NUP153: variants seen among roughly 807,000 people sequenced by gnomAD.
NUP153 encodes the protein nuclear pore complex protein Nup153.
In NUP153, 27 loss-of-function variants were observed where a neutral mutation model predicts 134.6. The observed-to-expected ratio is 0.20, with a 90% CI of 0.15 to 0.28. NUP153 has a LOEUF of 0.28. Ranked by LOEUF, NUP153 falls within the 10% of genes least tolerant of loss-of-function variation. NUP153 has a pLI of 1.00. For missense variants in NUP153, 1,821 were observed against 1,731.3 expected, an observed-to-expected ratio of 1.05 and a Z score of -0.92; for synonymous variants, 640 against 623.5, an observed-to-expected ratio of 1.03 and a Z score of -0.40.
At chr6:17,619,788 C>G (rs1764550479) in intron 20 of NUP153, among the ~76,000 whole-genome samples, 1 of 152,086 alleles carries the variant, frequency 6.6e-6, no homozygotes, top group African/African-American at 2.4e-5. Context: ...ATACCAATGA[C>G]ATTCTCCATA....
chr6:17,637,118 A>T (rs745414299), intron 16 of NUP153, 35 bp downstream of exon 16: 1 of 1,564,568 alleles, frequency 6.4e-7, no homozygotes, highest in South Asian at 1.2e-5. Flanking sequence ...AACAGAAGTA[A>T]TAAGCAAAAT....
rs1303064698 is a variant in NUP153 at position 17,706,244 on chromosome 6, C to A, written c.111+33G>T. On this transcript the variant is annotated intron_variant, in intron 1 of 21. Coordinates refer to ENST00000262077, the MANE Select transcript of NUP153 (RefSeq NM_005124.4). The surrounding 1 kb of genome is among the most constrained non-coding windows in gnomAD (Gnocchi z 5.9). The stretch of plus-strand genomic sequence containing the variant: ...GTCCCCTCCAGCCGAGTTTCCCCAC[C>A]CGCCAGGCCACCGCGGCGTCGGGGT... 6.4e-7 allele frequency: 1 copy of A among 1,562,586 alleles called. No individual in the cohort carries two copies. The highest frequency in any genetic ancestry group is 1.4e-5 in the African/African-American group (1 of 73,872).
At chr6:17,653,364 A>C (rs1356691313) in intron 11 of NUP153, among the ~76,000 whole-genome samples, 1 of 152,246 alleles carries the variant, frequency 6.6e-6, no homozygotes. Context: ...TTAAAATTAC[A>C]ATGAGATACC....
chr6:17,668,163 C>T (rs537897067), intron 8 of NUP153, among the ~76,000 whole-genome samples: 1 of 150,388 alleles, frequency 6.6e-6, no homozygotes, highest in South Asian at 2.1e-4. Context: ...GCACCCTCCG[C>T]CTCCCGGGTT....
intron 8 of NUP153, among the ~76,000 whole-genome samples, chr6:17,667,441 A>G (rs367727024): frequency 6.6e-6 from 1 of 152,202 alleles, no homozygotes; most frequent in African/African-American, 2.4e-5. Flanking sequence ...CAAGCCAGGC[A>G]CGGTGGCTCA....
chr6:17,617,641 G>A (rs992580744), intron 20 of NUP153, among the ~76,000 whole-genome samples: 2 of 152,002 alleles, frequency 1.3e-5, no homozygotes. Context: ...CCAGGAGTTT[G>A]AGAACAACCT....
In NUP153 at chr6:17,626,008, G is replaced by C. The variant is rs759800251; in HGVS notation, c.3701C>G (p.Pro1234Arg). Residue 1234 changes from proline to arginine, a missense_variant, in exon 19 of 22, where the codon CCT (proline) becomes CGT (arginine). Transcript: ENST00000262077. ...ATFVFGQSSN[P>R]VSSSAFGNTA... ...GTTACCAAAGGCAGAGCTGCTCACA[G>C]GATTGCTGGACTGTCCAAACACAAA... The C allele has an allele frequency of 1.2e-6, 2 of 1,614,208 alleles. No homozygotes were observed. Among genetic ancestry groups the C allele is most frequent in the African/African-American group, 2.7e-5 (2 of 75,050 alleles).
chr6:17,625,707 A>G lies in NUP153; in HGVS notation c.3901+101T>C. The G allele has an allele frequency of 1.1e-6, 1 of 901,520 alleles. No homozygotes were observed. The highest frequency in any genetic ancestry group is 2.4e-5 in the East Asian group (1 of 41,294). 55.8% of individuals were successfully genotyped at this position (901,520 alleles called of 1,614,324 possible). On this transcript the variant is annotated intron_variant, in intron 19 of 21. Transcript: ENST00000262077. This position sits in a 1 kb window ranked among gnomAD's most constrained non-coding sequence, Gnocchi z 4.7. ...GTATAGATGACCAAAAGGCATTCCC[A>G]CCATTTTGTGATAACCTGCTATATG...
intron 18 of NUP153, 73 bp from the exon 19 acceptor site, chr6:17,626,237 C>T (rs747838919): frequency 4.4e-6 from 5 of 1,143,084 alleles, no homozygotes; most frequent in Admixed American, 2.3e-5. Context: ...TCCTACCCTA[C>T]AATTGCTAGA....
intron 14 of NUP153, among the ~76,000 whole-genome samples, chr6:17,640,489 T>C (rs1261272898): frequency 6.6e-6 from 1 of 152,224 alleles, no homozygotes; most frequent in African/African-American, 2.4e-5. Context: ...ATTCACACTA[T>C]TAATATAATT....
rs955461155 is a variant in NUP153 at position 17,638,059 on chromosome 6, G to A, written c.1847-289C>T. Reference sequence around the variant, plus strand: ...TTCAATGGTACTAATTTACTGATATGTATTATTGCCATCCACATTTTGCTA... The same window carrying A: ...TTCAATGGTACTAATTTACTGATATATATTATTGCCATCCACATTTTGCTA... On this transcript the variant is annotated intron_variant, in intron 15 of 21. Transcript: ENST00000262077. This position sits in a 1 kb window ranked among gnomAD's most constrained non-coding sequence, Gnocchi z 4.0. Among the ~76,000 whole-genome samples the A allele has an allele frequency of 1.3e-5, 2 of 152,204 alleles. No homozygotes were observed. Among genetic ancestry groups the A allele is most frequent in the Non-Finnish European group, 2.9e-5 (2 of 68,042 alleles).
intron 1 of NUP153, among the ~76,000 whole-genome samples, chr6:17,698,545 C>A (rs1220745035): frequency 6.6e-6 from 1 of 151,950 alleles, no homozygotes; most frequent in Non-Finnish European, 1.5e-5. Flanking sequence ...GAGACCATCC[C>A]GGCTAACATG....
chr6:17,651,907 A>G (rs1187000312), intron 11 of NUP153: 5 of 671,430 alleles, frequency 7.4e-6, no homozygotes, highest in Non-Finnish European at 1.4e-5. Flanking sequence ...CAGCTTGGGC[A>G]ATACGGTGAG....
At chr6:17,618,658 C>T (rs573688145) in intron 20 of NUP153, among the ~76,000 whole-genome samples, 19 of 151,434 alleles carry the variant, frequency 1.3e-4, no homozygotes, top group African/African-American at 2.7e-4. Flanking sequence ...CTCCACCTCC[C>T]GAGTTCACGC....
At chr6:17,669,643 G>T in intron 5 of NUP153, 97 bp from the exon 6 acceptor site, 1 of 843,284 alleles carries the variant, frequency 1.2e-6, no homozygotes, top group Non-Finnish European at 2.0e-6. Flanking sequence ...GATGTCCAAA[G>T]TAAAACAGGA....
At chr6:17,678,626 GTTC>G (rs1768382195) in intron 2 of NUP153, among the ~76,000 whole-genome samples, 1 of 152,106 alleles carries the variant, frequency 6.6e-6, no homozygotes, top group African/African-American at 2.4e-5. Context: ...ATTCTGTAGT[GTTC>G]TTCTATGTGC....
chr6:17,662,663 T>C (rs377396748), intron 9 of NUP153, among the ~76,000 whole-genome samples: 1 of 152,142 alleles, frequency 6.6e-6, no homozygotes, highest in African/African-American at 2.4e-5. Flanking sequence ...AAAGGTAAAA[T>C]AGTAATTTTA....
intron 8 of NUP153, among the ~76,000 whole-genome samples, chr6:17,668,482 G>T (rs529146549): frequency 2.0e-5 from 3 of 152,214 alleles, no homozygotes; most frequent in Non-Finnish European, 4.4e-5. Flanking sequence ...AATTGGATGA[G>T]TATCTACTAC....
At chr6:17,698,777 G>A (rs1365311084) in intron 1 of NUP153, among the ~76,000 whole-genome samples, 6 of 150,714 alleles carry the variant, frequency 4.0e-5, no homozygotes, top group Admixed American at 1.3e-4. Context: ...CCTGAAGCAG[G>A]AGAATCACTT....
Sources: allele counts gnomAD v4.1 joint callset (sites outside exome capture counted in the v4.1 genomes callset), GRCh38; gene constraint gnomAD v4.1.1; non-coding constraint Gnocchi (gnomAD v3.1); transcripts MANE v1.5; gene names NCBI Gene and HGNC (gene_info 2026-07-23, HGNC 2026-07-21).